USP26: variants seen among roughly 807,000 people sequenced by gnomAD.
USP26 encodes ubiquitin carboxyl-terminal hydrolase 26.
For synonymous variants in USP26, 236 were observed against 240.6 expected (o/e 0.98, Z 0.18); for missense variants, 649 against 642.3 (o/e 1.01, Z -0.11).
intron 5 of USP26, among the ~76,000 whole-genome samples, chrX:133,029,659 T>C (rs1359503332): frequency 8.9e-6 from 1 of 112,100 alleles, no homozygotes; most frequent in Non-Finnish European, 1.9e-5. Context: ...CCTGCAACCA[T>C]AGAACCACTT....
rs1266475788 is a variant in USP26, at chrX:133,026,300, C to T, written c.1921G>A (p.Val641Ile). ...ATGAATGCTCGATCTCCTGAGTATACAGATTCTAGCTCATTTGGTTTAGAA... is the reference window on the plus strand; with the variant it reads ...ATGAATGCTCGATCTCCTGAGTATATAGATTCTAGCTCATTTGGTTTAGAA... ...KNSKPNELES[V>I]YSGDRAFIEK... Residue 641 changes from valine (V) to isoleucine (I), a missense_variant, in exon 6 of 6, where the codon GTA becomes ATA. Val to Ile is a conservative substitution (Grantham distance 29). Transcript: ENST00000511190. The T allele has an allele frequency of 5.8e-6, 7 of 1,207,694 alleles. No homozygotes were observed.
chrX:133,041,908 C>T (rs982415995), intron 5 of USP26, among the ~76,000 whole-genome samples: 1 of 112,458 alleles, frequency 8.9e-6, no homozygotes, highest in African/African-American at 3.2e-5. Flanking sequence ...AGGTGCCCTG[C>T]CCAGTGAGGA....
At position 133,026,711 on chromosome X, in the gene USP26, A is replaced by C. The variant is rs1043704168; in HGVS notation, c.1510T>G (p.Ser504Ala). The change falls in exon 6 of 6, where the codon TCC (serine) becomes GCC (alanine). Residue 504 changes from serine to alanine, a missense_variant. Ser to Ala is a moderately conservative substitution (Grantham distance 99). Transcript: ENST00000511190. ...YKCAKCEHKT[S>A]VGVHSFSRLP... is the part of the protein sequence containing the mutation. The stretch of plus-strand genomic sequence containing the variant: ...CTACTGAATGAGTGCACTCCAACGG[A>C]AGTCTTGTGCTCACATTTTGCACAT... The C allele has an allele frequency of 8.3e-7, 1 of 1,210,676 alleles. No homozygotes were observed. The highest frequency in any genetic ancestry group is 1.1e-6 in the Non-Finnish European group (1 of 894,993).
At chrX:133,047,512 A>G (rs112911743) in intron 5 of USP26, among the ~76,000 whole-genome samples, 3,886 of 112,013 alleles carry the variant, frequency 0.035, 102 homozygotes, top group East Asian at 0.1. Context: ...ACTATTCCAC[A>G]AGACTCTTGC....
At chrX:133,044,099 C>A (rs1216088364) in intron 5 of USP26, among the ~76,000 whole-genome samples, 1 of 112,822 alleles carries the variant, frequency 8.9e-6, no homozygotes, top group African/African-American at 3.2e-5. Context: ...TGTGCCCACC[C>A]ACCCATCTAC....
chrX:133,094,934 A>C (rs1370991809), intron 1 of USP26, among the ~76,000 whole-genome samples: 1 of 110,016 alleles, frequency 9.1e-6, no homozygotes, highest in Admixed American at 9.8e-5. Context: ...GTCTCTACTA[A>C]AAATAGAAAA....
chrX:133,037,846 C>T (rs189318870), intron 5 of USP26, among the ~76,000 whole-genome samples: 414 of 111,221 alleles, frequency 3.7e-3, no homozygotes, highest in African/African-American at 0.013. Flanking sequence ...CTCTGATTTC[C>T]TTGAACAGTG....
chrX:133,038,592 T>C (rs766636626), intron 5 of USP26, among the ~76,000 whole-genome samples: 4 of 112,208 alleles, frequency 3.6e-5, no homozygotes, highest in Middle Eastern at 4.2e-3. Context: ...GATTTTTACA[T>C]TGATGTTCAT....
intron 5 of USP26, among the ~76,000 whole-genome samples, chrX:133,082,517 G>A (rs902065904): frequency 8.9e-6 from 1 of 112,302 alleles, no homozygotes; most frequent in Non-Finnish European, 1.9e-5. Context: ...ATTAAGAAAT[G>A]GAGGAATGAT....
intron 5 of USP26, among the ~76,000 whole-genome samples, chrX:133,078,388 CT>C (rs2067558252): frequency 9.0e-6 from 1 of 111,680 alleles, no homozygotes; most frequent in Non-Finnish European, 1.9e-5. Flanking sequence ...ATGAAAACCC[CT>C]CTGAACTTGC....
At chrX:133,056,374 C>A (rs2067475480) in intron 5 of USP26, among the ~76,000 whole-genome samples, 1 of 110,759 alleles carries the variant, frequency 9.0e-6, no homozygotes, top group African/African-American at 3.3e-5. Flanking sequence ...ATCTGTGGAC[C>A]CCTTGACATT....
At chrX:133,073,927 T>C (rs2067538878) in intron 5 of USP26, among the ~76,000 whole-genome samples, 1 of 110,900 alleles carries the variant, frequency 9.0e-6, no homozygotes, top group African/African-American at 3.3e-5. Context: ...TGACTGTAGA[T>C]AAATCATTTC....
chrX:133,027,615 T>C lies in USP26; in HGVS notation c.606A>G (p.Glu202=), dbSNP rs747387993. The change falls in exon 6 of 6, where the codon GAA becomes GAG. Residue 202 remains glutamate, a synonymous_variant. Coordinates refer to ENST00000511190, the MANE Select transcript of USP26 (RefSeq NM_031907.3). ...EEFLKENNSV[E]YKKSKADCSR... is the part of the protein sequence containing the mutation. ...AACAATCTGCCTTGGATTTCTTGTA[T>C]TCTACAGAATTATTTTCTTTCAAGA... 15 of 1,209,196 alleles carry C rather than the reference T, an allele frequency of 1.2e-5. No individual in the cohort carries two copies. The highest frequency in any genetic ancestry group is 1.7e-5 in the Non-Finnish European group (15 of 894,461).
intron 4 of USP26, among the ~76,000 whole-genome samples, chrX:133,087,200 A>G (rs974121465): frequency 2.7e-5 from 3 of 111,757 alleles, no homozygotes; most frequent in African/African-American, 9.8e-5. Context: ...TGGTTTTGTC[A>G]TAAGTCATTT....
intron 5 of USP26, among the ~76,000 whole-genome samples, chrX:133,067,231 G>A (rs747623584): frequency 8.9e-6 from 1 of 112,643 alleles, no homozygotes; most frequent in South Asian, 3.7e-4. Flanking sequence ...AACAACAGAT[G>A]CTGGCAAGGA....
chrX:133,041,156 G>A (rs1223836093), intron 5 of USP26, among the ~76,000 whole-genome samples: 1 of 110,474 alleles, frequency 9.1e-6, no homozygotes, highest in Non-Finnish European at 1.9e-5. Context: ...AGCTCAGAGG[G>A]GTTTGTTATT....
rs59814007 is a variant in USP26, at chrX:133,057,866, A to ATTTTTTTT, written c.-77+25833_-77+25840dup. ...ACATTATATATATATATATATATAT[A>ATTTTTTTT]TTTTTTTTTTTTTTTTTTTTTTTTT... On this transcript the variant is annotated intron_variant, in intron 5 of 5. Transcript: ENST00000511190. Among the ~76,000 whole-genome samples the ATTTTTTTT allele has an allele frequency of 6.4e-4, 6 of 9,334 alleles. 1 individual carries two copies. The highest frequency in any genetic ancestry group is 6.6e-4 in the African/African-American group (1 of 1,525). 8.1% of individuals were successfully genotyped at this position (9,334 alleles called of 115,157 possible). A position where few individuals can be genotyped will look rare whatever the true frequency, so the allele number is the denominator to read the frequency against.
At chrX:133,044,688 C>A (rs112696159) in intron 5 of USP26, among the ~76,000 whole-genome samples, 2 of 113,175 alleles carry the variant, frequency 1.8e-5, no homozygotes, top group Admixed American at 1.8e-4. Flanking sequence ...CTGTGTGGCC[C>A]AAGCCTCCCC....
chrX:133,035,838 G>C (rs2067394144), intron 5 of USP26, among the ~76,000 whole-genome samples: 1 of 112,219 alleles, frequency 8.9e-6, no homozygotes, highest in South Asian at 3.7e-4. Flanking sequence ...CAGCAGAACA[G>C]AAATCATCAA....
Sources: allele counts gnomAD v4.1 joint callset (sites outside exome capture counted in the v4.1 genomes callset), GRCh38; gene constraint gnomAD v4.1.1; transcripts MANE v1.5; gene names NCBI Gene and HGNC (gene_info 2026-07-23, HGNC 2026-07-21).